The following FAM168A variants were observed in gnomAD, a reference collection of about 807,000 sequenced individuals.
FAM168A encodes the protein family with sequence similarity 168 member A.
In FAM168A, 3 loss-of-function variants were observed where a neutral mutation model predicts 28.5. The observed-to-expected ratio is 0.11, with a 90% confidence interval of 0.05 to 0.27. FAM168A has a LOEUF of 0.27. Among genes scored for constraint, FAM168A ranks in the 10% least tolerant of loss-of-function variants. The pLI, the probability that FAM168A is intolerant of heterozygous loss-of-function variation, is 1.00. For missense variants in FAM168A, 222 were observed against 311.5 expected (o/e 0.71, Z 2.16); for synonymous variants, 122 against 124.2 (o/e 0.98, Z 0.12).
At chr11:73,418,743 T>C (rs368756642) in intron 4 of FAM168A, among the ~76,000 whole-genome samples, 9 of 152,094 alleles carry the variant, frequency 5.9e-5, no homozygotes, top group African/African-American at 2.2e-4. Context: ...CATTCCTCTA[T>C]TGAACAGCTC....
intron 1 of FAM168A, among the ~76,000 whole-genome samples, chr11:73,527,325 A>G (rs151075684): frequency 1.6e-3 from 242 of 152,296 alleles, no homozygotes; most frequent in African/African-American, 5.6e-3. Context: ...ACCCCACTGA[A>G]AGAATTAATC....
chr11:73,554,848 A>G (rs1023904129), intron 1 of FAM168A, among the ~76,000 whole-genome samples: 10 of 152,218 alleles, frequency 6.6e-5, no homozygotes, highest in African/African-American at 2.4e-4. Context: ...GCCAAGTTCA[A>G]TGAGTAAAGA....
chr11:73,591,968 AAGAT>A (rs1269758712), intron 1 of FAM168A, among the ~76,000 whole-genome samples: 13 of 152,242 alleles, frequency 8.5e-5, no homozygotes, highest in African/African-American at 1.4e-4. Context: ...CTCAAAATAA[AAGAT>A]AGAGGAAGAC....
intron 1 of FAM168A, among the ~76,000 whole-genome samples, chr11:73,512,473 A>C (rs1855244123): frequency 6.6e-6 from 1 of 152,146 alleles, no homozygotes; most frequent in Non-Finnish European, 1.5e-5. Flanking sequence ...ATATTCTAAA[A>C]TTAGATAGAT....
intron 1 of FAM168A, among the ~76,000 whole-genome samples, chr11:73,509,794 A>G (rs1855184218): frequency 6.6e-6 from 1 of 152,158 alleles, no homozygotes; most frequent in Admixed American, 6.5e-5. Flanking sequence ...GAGGAAGAGA[A>G]GTATGTGTTC....
At chr11:73,516,654 A>G (rs542971761) in intron 1 of FAM168A, among the ~76,000 whole-genome samples, 2 of 152,264 alleles carry the variant, frequency 1.3e-5, no homozygotes, top group African/African-American at 4.8e-5. Flanking sequence ...TCTAATATAT[A>G]TATTTTTTCC....
intron 1 of FAM168A, among the ~76,000 whole-genome samples, chr11:73,587,348 C>T (rs1275046480): frequency 6.6e-6 from 1 of 151,858 alleles, no homozygotes; most frequent in African/African-American, 2.4e-5. Context: ...AAAAATTAGC[C>T]GGGCATGGTT....
chr11:73,528,213 C>T (rs573898352), intron 1 of FAM168A, among the ~76,000 whole-genome samples: 5 of 152,276 alleles, frequency 3.3e-5, no homozygotes, highest in Admixed American at 6.5e-5. Context: ...CGAACCAGAG[C>T]GACTCCATTT....
intron 2 of FAM168A, among the ~76,000 whole-genome samples, chr11:73,442,044 T>C (rs1168190397): frequency 6.6e-6 from 1 of 152,162 alleles, no homozygotes; most frequent in African/African-American, 2.4e-5. Context: ...TTCCTGTACT[T>C]GATTTAGGCT....
intron 4 of FAM168A, among the ~76,000 whole-genome samples, chr11:73,417,550 C>CCT (rs1321130557): frequency 2.7e-5 from 4 of 149,760 alleles, no homozygotes; most frequent in East Asian, 1.9e-4. Context: ...GGCTGACATA[C>CCT]CTCTCTCTCT....
intron 1 of FAM168A, among the ~76,000 whole-genome samples, chr11:73,575,591 C>T (rs1315483269): frequency 6.6e-6 from 1 of 151,996 alleles, no homozygotes; most frequent in Non-Finnish European, 1.5e-5. Flanking sequence ...TAGAAATGGC[C>T]GGGTGTGGTG....
In FAM168A at chr11:73,407,616, G is replaced by A. The variant is rs769799497; in HGVS notation, c.623C>T (p.Thr208Met). 34 of 1,610,274 alleles carry A rather than the reference G, an allele frequency of 2.1e-5. No homozygotes were observed. The Middle Eastern group carries it at 4.9e-4, about 23-fold the overall frequency. Residue 208 changes from threonine to methionine, a missense_variant, in exon 7 of 8, where the codon ACG (threonine) becomes ATG (methionine). This residue lies in a region of FAM168A where 64 missense variants were observed against 94.6 expected (regional missense o/e 0.68). Transcript: ENST00000356467. ...AGTLLTTPQH[T>M]AIGAHPVSMP... Reference sequence around the variant, plus strand: ...GGAGACAGGGTGTGCCCCAATCGCCGTGTGCTGGGGTGTAGTCAGCAGGGT... The same window carrying A: ...GGAGACAGGGTGTGCCCCAATCGCCATGTGCTGGGGTGTAGTCAGCAGGGT...
intron 1 of FAM168A, among the ~76,000 whole-genome samples, chr11:73,516,786 C>T (rs778382934): frequency 6.6e-6 from 1 of 152,146 alleles, no homozygotes; most frequent in Non-Finnish European, 1.5e-5. Flanking sequence ...AGTCAATGGA[C>T]CTCTGGTACT....
intron 2 of FAM168A, among the ~76,000 whole-genome samples, chr11:73,438,634 A>G (rs1453086878): frequency 6.6e-6 from 1 of 152,154 alleles, no homozygotes; most frequent in African/African-American, 2.4e-5. Context: ...ACAGGAAAAC[A>G]TTGGAGGGTT....
intron 1 of FAM168A, among the ~76,000 whole-genome samples, chr11:73,533,539 T>C (rs1467757561): frequency 6.7e-6 from 1 of 149,774 alleles, no homozygotes. Flanking sequence ...TTCTCTGTTG[T>C]GTTTCACCAA....
At chr11:73,553,994 C>G (rs1943859074) in intron 1 of FAM168A, among the ~76,000 whole-genome samples, 1 of 151,498 alleles carries the variant, frequency 6.6e-6, no homozygotes, top group Non-Finnish European at 1.5e-5. Flanking sequence ...CAGAGCCAGA[C>G]CCTATCTCAA....
At chr11:73,571,708 C>A (rs1280331823) in intron 1 of FAM168A, among the ~76,000 whole-genome samples, 2 of 150,874 alleles carry the variant, frequency 1.3e-5, no homozygotes, top group Admixed American at 6.6e-5. Flanking sequence ...GGCCGCCCAT[C>A]GTCTGGGATG....
At chr11:73,559,943 T>C (rs1191295890) in intron 1 of FAM168A, among the ~76,000 whole-genome samples, 1 of 152,010 alleles carries the variant, frequency 6.6e-6, no homozygotes, top group Admixed American at 6.6e-5. Flanking sequence ...CACTGAGGAG[T>C]TGCCACAAAT....
chr11:73,505,735 T>G (rs896709715), intron 1 of FAM168A, among the ~76,000 whole-genome samples: 1 of 152,178 alleles, frequency 6.6e-6, no homozygotes, highest in East Asian at 1.9e-4. Context: ...AACCCCTTTG[T>G]GAAGTACTTG....
Sources: allele counts gnomAD v4.1 joint callset (sites outside exome capture counted in the v4.1 genomes callset), GRCh38; gene constraint gnomAD v4.1.1; regional missense constraint gnomAD v4.1.1; transcripts MANE v1.5; gene names NCBI Gene and HGNC (gene_info 2026-07-23, HGNC 2026-07-21).